FAAH: variants seen among roughly 807,000 people sequenced by gnomAD.
The protein encoded by FAAH is fatty-acid amide hydrolase 1.
A neutral mutation model predicts 69.7 loss-of-function variants in FAAH; 63 were observed. The observed-to-expected ratio is 0.90, with a 90% CI of 0.74 to 1.12. The LOEUF is 1.12. FAAH is among the 50% of genes most tolerant of loss of function. The probability of loss-of-function intolerance (pLI) is 0.00; values close to 1 mark genes in which losing one functional copy is unlikely to be tolerated. For missense variants in FAAH, 680 were observed against 755.0 expected (o/e 0.90, Z 1.16); for synonymous variants, 305 against 324.2 (o/e 0.94, Z 0.64).
In FAAH at chr1:46,394,332, A is replaced by C. The variant is rs1664556084; in HGVS notation, c.-17A>C. ...GGCTTCAACTGTCGCGGTAGGCAGC[A>C]GCAGGCTGAAGGGATCATGGTGCAG... On this transcript the variant is annotated 5_prime_UTR_variant, in exon 1 of 15. Coordinates refer to ENST00000243167, the MANE Select transcript of FAAH (RefSeq NM_001441.3). 4.5e-6 allele frequency: 7 copies of C among 1,553,354 alleles called. No homozygotes were observed. The South Asian group carries it at 4.8e-5, about 11-fold the overall frequency.
intron 1 of FAAH, among the ~76,000 whole-genome samples, chr1:46,397,573 T>C (rs1664618427): frequency 6.6e-6 from 1 of 152,182 alleles, no homozygotes; most frequent in African/African-American, 2.4e-5. Flanking sequence ...TTTTGTTTTT[T>C]GTTTTTGAGA....
chr1:46,413,128 G>A lies in FAAH; in HGVS notation c.1519G>A (p.Val507Met). 1.2e-6 allele frequency: 2 copies of A among 1,614,162 alleles called. No homozygotes were observed. The highest frequency in any genetic ancestry group is 1.7e-6 in the Non-Finnish European group (2 of 1,180,018). Residue 507 changes from valine (V) to methionine (M), a missense_variant, in exon 14 of 15, where the codon GTG becomes ATG. Physicochemically the swap from Val to Met is conservative, Grantham distance 21. Transcript: ENST00000243167. Reference sequence around the variant, plus strand: ...CTGCCTGGACTTCCCTGCAGGGGTGGTGCCTGTCACCACGGTGACTGCTGA... The same window carrying A: ...CTGCCTGGACTTCCCTGCAGGGGTGATGCCTGTCACCACGGTGACTGCTGA... ...YNCLDFPAGVVPVTTVTAEDE... is the reference protein window; with the variant it reads ...YNCLDFPAGVMPVTTVTAEDE...
intron 9 of FAAH, 193 bp downstream of exon 9, chr1:46,409,391 C>A: frequency 1.6e-6 from 1 of 615,522 alleles, no homozygotes; most frequent in South Asian, 1.6e-5. Context: ...GGTGCCAGCC[C>A]GAGGGGAGGC....
rs928934201 is a variant in FAAH, at chr1:46,404,252, C to T, written c.310-762C>T. Among the ~76,000 whole-genome samples, 6 of 152,296 alleles carry T rather than the reference C, an allele frequency of 3.9e-5. No individual in the cohort carries two copies. The highest frequency in any genetic ancestry group is 1.3e-4 in the Admixed American group (2 of 15,304). Reference sequence around the variant, plus strand: ...TTCTCTGTTCCTGCCTCGGGTACCCCGGGGACAGATTTTGCACATGCCTGA... The same window carrying T: ...TTCTCTGTTCCTGCCTCGGGTACCCTGGGGACAGATTTTGCACATGCCTGA... On this transcript the variant is annotated intron_variant, in intron 2 of 14. Coordinates refer to ENST00000243167, the MANE Select transcript of FAAH (RefSeq NM_001441.3). The surrounding 1 kb of genome is among the most constrained non-coding windows in gnomAD (Gnocchi z 4.5).
At chr1:46,412,068 C>A in intron 12 of FAAH, 75 bp from the exon 13 acceptor site, 1 of 1,320,320 alleles carries the variant, frequency 7.6e-7, no homozygotes, top group East Asian at 2.5e-5. Context: ...CCACCCCAGC[C>A]ACAGTCCCTG....
intron 1 of FAAH, among the ~76,000 whole-genome samples, chr1:46,401,132 G>A (rs1184081997): frequency 9.5e-6 from 1 of 105,638 alleles, no homozygotes; most frequent in Non-Finnish European, 2.0e-5. Flanking sequence ...GGGAGGAGGG[G>A]GAGTAGGGGG....
chr1:46,409,112 C>T lies in FAAH; in HGVS notation c.1089C>T (p.Phe363=), dbSNP rs759383262. The T allele has an allele frequency of 1.2e-6, 2 of 1,613,922 alleles. No individual in the cohort carries two copies. Among genetic ancestry groups the T allele is most frequent in the Non-Finnish European group, 1.7e-6 (2 of 1,179,934 alleles). Residue 363 remains phenylalanine (F), a synonymous_variant, in exon 9 of 15, where the codon TTC becomes TTT. Transcript: ENST00000243167. ...LEAAGHTLVP[F]LPSNIPHALE... ...CTCAATCCCTGCAGCTGGTTCCCTT[C>T]TTGCCAAGCAACATACCCCATGCTC...
At position 46,412,236 on chromosome 1, in the gene FAAH, C is replaced by T. The variant is rs1238408718; in HGVS notation, c.1450C>T (p.Pro484Ser). The change falls in exon 13 of 15, where the codon CCA becomes TCA. Residue 484 changes from proline to serine, a missense_variant. Coordinates refer to ENST00000243167, the MANE Select transcript of FAAH (RefSeq NM_001441.3). ...MLAPALDLNA[P>S]GRATGAVSYT... is the part of the protein sequence containing the mutation. The stretch of plus-strand genomic sequence containing the variant: ...GGCCCCTGCTCTGGACTTGAATGCC[C>T]CAGGCAGGGCCACAGGTGAGGCCCG... 1 of 1,552,994 alleles carries T rather than the reference C, an allele frequency of 6.4e-7. No homozygotes were observed. Among genetic ancestry groups the T allele is most frequent in the African/African-American group, 1.4e-5 (1 of 73,114 alleles).
rs1378126977 is a variant in FAAH, at chr1:46,412,005, CTG to C, written c.1357-134_1357-133del. 7 of 776,144 alleles carry C rather than the reference CTG, an allele frequency of 9.0e-6. No homozygotes were observed. The African/African-American group carries it at 1.2e-4, about 13-fold the overall frequency. 48.1% of individuals were successfully genotyped at this position (776,144 alleles called of 1,614,324 possible). On this transcript the variant is annotated intron_variant, in intron 12 of 14. Transcript: ENST00000243167. ...AGGCAGCACTGCCTGCCCGGAGGAC[CTG>C]TGTCCCACTGTGGCTCTGTTCAGAT...
chr1:46,404,578 G>A lies in FAAH; in HGVS notation c.310-436G>A, dbSNP rs944459111. ...CTGGGCTCCGGGAGGCAGGAGTCTG[G>A]TCTAGTCCTGCTCTGTGGTTGCCCT... is the stretch of plus-strand genomic sequence containing the variant. On this transcript the variant is annotated intron_variant, in intron 2 of 14. Transcript: ENST00000243167. This position sits in a 1 kb window ranked among gnomAD's most constrained non-coding sequence, Gnocchi z 4.5. 6.6e-6 allele frequency among the ~76,000 whole-genome samples: 1 copy of A among 152,222 alleles called. No individual in the cohort carries two copies. The highest frequency in any genetic ancestry group is 1.5e-5 in the Non-Finnish European group (1 of 68,026).
Position 46,405,321 on chromosome 1 carries a change from C to T in FAAH, c.445-51C>T. On this transcript the variant is annotated intron_variant, in intron 3 of 14. Coordinates refer to ENST00000243167, the MANE Select transcript of FAAH (RefSeq NM_001441.3). The surrounding 1 kb of genome is among the most constrained non-coding windows in gnomAD (Gnocchi z 4.1). ...GACAGTTGTTGGAGTGGACCCTTGG[C>T]TGCCCACGGGCCCTGACTCACTCCC... The T allele has an allele frequency of 6.2e-7, 1 of 1,605,462 alleles. No individual in the cohort carries two copies. Among genetic ancestry groups the T allele is most frequent in the Non-Finnish European group, 8.5e-7 (1 of 1,179,850 alleles).
rs534639396 is a variant in FAAH, at chr1:46,413,685, T to C, written c.*110T>C. On this transcript the variant is annotated 3_prime_UTR_variant, in exon 15 of 15. Transcript: ENST00000243167. ...GAAATGTCCTGCATGGGGCAGAGGC[T>C]TCCGTGTCCTCTCCCCCAACCCCCT... 2.8e-5 allele frequency: 42 copies of C among 1,507,964 alleles called. No individual in the cohort carries two copies. The African/African-American group carries it at 3.6e-4, about 13-fold the overall frequency. The allele number at this position is 1,507,964 out of a possible 1,614,324, so 93.4% of individuals were successfully genotyped here.
intron 7 of FAAH, 108 bp downstream of exon 7, chr1:46,406,476 G>A (rs576048273): frequency 3.3e-6 from 5 of 1,510,280 alleles, no homozygotes; most frequent in Non-Finnish European, 4.5e-6. Context: ...CGTCCCCCAG[G>A]CCTCTGAGGC....
Position 46,406,025 on chromosome 1 carries a change from GTTTC to G in FAAH, c.786-10_786-7del. The stretch of plus-strand genomic sequence containing the variant: ...CCATTTCCTGTTTCCAGCATCTTAT[GTTTC>G]TTATCCAGCAAGAGTGGCCTGAAGG... On this transcript the variant is annotated splice_polypyrimidine_tract_variant and intron_variant, in intron 5 of 14. Transcript: ENST00000243167. 1.9e-6 allele frequency: 3 copies of G among 1,614,184 alleles called. No individual in the cohort carries two copies. The highest frequency in any genetic ancestry group is 2.5e-6 in the Non-Finnish European group (3 of 1,180,036).
intron 13 of FAAH, 71 bp from the exon 14 acceptor site, chr1:46,413,004 G>A (rs1024732740): frequency 6.3e-7 from 1 of 1,591,680 alleles, no homozygotes; most frequent in African/African-American, 1.3e-5. Flanking sequence ...TTCATATGAG[G>A]TTTGACTCAG....
At position 46,410,462 on chromosome 1, in the gene FAAH, C is replaced by G; in HGVS notation, c.1240C>G (p.Leu414Val). ...LVSILKLPQWLKGLLAFLVKP... is the reference protein window; with the variant it reads ...LVSILKLPQWVKGLLAFLVKP... The stretch of plus-strand genomic sequence containing the variant: ...CTCAATTCTGAAGCTTCCCCAATGG[C>G]TTAAAGGACTGCTGGCCTTCCTGGT... Residue 414 changes from leucine to valine, a missense_variant, in exon 10 of 15, where the codon CTT (leucine) becomes GTT (valine). Leu to Val is a conservative substitution (Grantham distance 32). Transcript: ENST00000243167. This position sits in a 1 kb window ranked among gnomAD's most constrained non-coding sequence, Gnocchi z 4.9. 1 of 1,614,114 alleles carries G rather than the reference C, an allele frequency of 6.2e-7. No individual in the cohort carries two copies. The highest frequency in any genetic ancestry group is 8.5e-7 in the Non-Finnish European group (1 of 1,179,990).
chr1:46,410,339 G>T lies in FAAH; in HGVS notation c.1176-59G>T. Reference sequence around the variant, plus strand: ...AGAATGGGATTGCTGTGGGCCGGGCGAGCAAGCTGGGAAGGATGTGGGGAT... The same window carrying T: ...AGAATGGGATTGCTGTGGGCCGGGCTAGCAAGCTGGGAAGGATGTGGGGAT... On this transcript the variant is annotated intron_variant, in intron 9 of 14. Transcript: ENST00000243167. This position sits in a 1 kb window ranked among gnomAD's most constrained non-coding sequence, Gnocchi z 4.9. 1 of 1,416,666 alleles carries T rather than the reference G, an allele frequency of 7.1e-7. No homozygotes were observed. The highest frequency in any genetic ancestry group is 1.2e-5 in the South Asian group (1 of 86,870). The allele number at this position is 1,416,666 out of a possible 1,614,324, so 87.8% of individuals were successfully genotyped here. A position where few individuals can be genotyped will look rare whatever the true frequency, so the allele number is the denominator to read the frequency against.
At position 46,413,637 on chromosome 1, in the gene FAAH, A is replaced by G; in HGVS notation, c.*62A>G. ...CTGCAGCCCAGCCTAGTCAGGGCAC[A>G]GCTGCCCTGCTGCCACAGCAAGGAA... On this transcript the variant is annotated 3_prime_UTR_variant, in exon 15 of 15. Coordinates refer to ENST00000243167, the MANE Select transcript of FAAH (RefSeq NM_001441.3). The G allele has an allele frequency of 6.2e-7, 1 of 1,607,570 alleles. No individual in the cohort carries two copies. Among genetic ancestry groups the G allele is most frequent in the African/African-American group, 1.3e-5 (1 of 74,942 alleles).
chr1:46,406,224 C>CT lies in FAAH; in HGVS notation c.827-19dup. ...CCTCGCTCCTTGTCTGCTTACCTCC[C>CT]TCACCTCTCTGCCCCACAGTGCGTC... is the stretch of plus-strand genomic sequence containing the variant. On this transcript the variant is annotated intron_variant, in intron 6 of 14. Transcript: ENST00000243167. The CT allele has an allele frequency of 6.2e-7, 1 of 1,614,068 alleles. No homozygotes were observed. Among genetic ancestry groups the CT allele is most frequent in the Non-Finnish European group, 8.5e-7 (1 of 1,180,040 alleles).
Sources: gnomAD v4.1 joint callset for allele counts (sites outside exome capture counted in the v4.1 genomes callset) on GRCh38, gnomAD v4.1.1 for gene constraint, Gnocchi (gnomAD v3.1) non-coding constraint, MANE v1.5 for transcripts, NCBI Gene and HGNC (gene_info 2026-07-23, HGNC 2026-07-21) for gene names.